The following PDE4DIP variants were observed in gnomAD, a reference collection of about 807,000 sequenced individuals.
PDE4DIP encodes myomegalin.
PDE4DIP carries 59 observed loss-of-function variants against 221.4 expected under a neutral mutation model. The ratio of observed to expected loss-of-function variants is 0.27; its 90% CI spans 0.22 to 0.33. The LOEUF is 0.33. PDE4DIP is among the 10% of genes least tolerant of loss of function. The pLI is 1.00. For synonymous variants in PDE4DIP, 404 were observed against 815.9 expected (o/e 0.50, Z 8.60); for missense variants, 1,036 against 2,154.2 (o/e 0.48, Z 10.28).
chr1:148,998,400 G>A, intron 23 of PDE4DIP, 25 bp downstream of exon 26: 3 of 1,426,558 alleles, frequency 2.1e-6, no homozygotes, highest in Non-Finnish European at 3.0e-6. Context: ...CCAGGGAAGG[G>A]GAGCTTGCAG....
At chr1:148,915,241 G>A (rs2043715829) in intron 1 of PDE4DIP, among the ~76,000 whole-genome samples, 1 of 152,124 alleles carries the variant, frequency 6.6e-6, no homozygotes, top group African/African-American at 2.4e-5. Flanking sequence ...TCTGCCTCCT[G>A]GGTTCAAGCG....
At chr1:148,946,562 G>T (rs1355648604) in intron 5 of PDE4DIP, among the ~76,000 whole-genome samples, 2 of 135,840 alleles carry the variant, frequency 1.5e-5, no homozygotes, top group Non-Finnish European at 1.6e-5. Flanking sequence ...AAAAAAGGAA[G>T]TACCATCCAT....
chr1:148,996,045 A>G (rs1187967147), intron 22 of PDE4DIP, among the ~76,000 whole-genome samples: 1 of 151,916 alleles, frequency 6.6e-6, no homozygotes, highest in Admixed American at 6.6e-5. Flanking sequence ...CTCACTTTAA[A>G]GTGGGAAATT....
chr1:148,946,040 T>C (rs1422258410), intron 5 of PDE4DIP, among the ~76,000 whole-genome samples: 3 of 151,408 alleles, frequency 2.0e-5, no homozygotes, highest in African/African-American at 7.3e-5. Context: ...TCTCTTTCCA[T>C]CTGTGTGAAA....
At chr1:149,030,439 G>A in intron 43 of PDE4DIP, 161 bp downstream of exon 46, 2 of 985,282 alleles carry the variant, frequency 2.0e-6, no homozygotes, top group Non-Finnish European at 2.4e-6. Context: ...CATCCTGCTA[G>A]TTTCTGTCCC....
intron 5 of PDE4DIP, among the ~76,000 whole-genome samples, chr1:148,949,056 T>C (rs2052501160): frequency 6.6e-6 from 1 of 152,334 alleles, no homozygotes; most frequent in East Asian, 1.9e-4. Context: ...ACGTTGCATG[T>C]ATCTGAGTTC....
rs1265017122 is a variant in PDE4DIP at position 148,915,350 on chromosome 1, A to G, written c.142-13847A>G. On this transcript the variant is annotated intron_variant, in intron 1 of 43. Coordinates refer to ENST00000369354, the Ensembl canonical transcript of PDE4DIP. ...TCTTTAGTAGAGACGGGGTTTCACC[A>G]TGTTGACCAAGCTGGTCTCGAACTC... Among the ~76,000 whole-genome samples the G allele has an allele frequency of 1.6e-4, 24 of 152,390 alleles. No individual in the cohort carries two copies. The East Asian group carries it at 4.3e-3, about 27-fold the overall frequency.
chr1:149,013,073 A>G (rs1383275432), intron 32 of PDE4DIP, among the ~76,000 whole-genome samples: 3 of 152,148 alleles, frequency 2.0e-5, no homozygotes, highest in Non-Finnish European at 4.4e-5. Context: ...AGACTGGTGG[A>G]CTGCTCATTG....
rs1161245151 is a variant in PDE4DIP, at chr1:149,015,744, C to A, written c.5267-555C>A. 2.0e-5 allele frequency among the ~76,000 whole-genome samples: 3 copies of A among 150,918 alleles called. 1 individual carries two copies. The East Asian group carries it at 5.9e-4, about 30-fold the overall frequency. On this transcript the variant is annotated intron_variant, in intron 32 of 43. Coordinates refer to ENST00000369354, the Ensembl canonical transcript of PDE4DIP. ...AATACTTGCCTTACATAGGCCCTTC[C>A]CCAGCCTCAGCAAAGAGTTCTTCAG... is the stretch of plus-strand genomic sequence containing the variant.
rs587595318 is a variant in PDE4DIP, at chr1:148,897,477, AAC to A, written c.141+7595_141+7596del. 1.4e-4 allele frequency among the ~76,000 whole-genome samples: 17 copies of A among 122,106 alleles called. 1 individual carries two copies. In the East Asian group the frequency reaches 4.0e-3, roughly 29 times the overall value. 80.1% of individuals were successfully genotyped at this position (122,106 alleles called of 152,430 possible). ...GCAAATTTTATTATATGTATATTTTAACACACACACACAAAATGTTTAGGCCT... is the reference window on the plus strand; with the variant it reads ...GCAAATTTTATTATATGTATATTTTAACACACACACAAAATGTTTAGGCCT... On this transcript the variant is annotated intron_variant, in intron 1 of 43. Coordinates refer to ENST00000369354, the Ensembl canonical transcript of PDE4DIP.
rs1366320595 is a variant in PDE4DIP at position 148,892,251 on chromosome 1, T to C, written c.141+2357T>C. On this transcript the variant is annotated intron_variant, in intron 1 of 43. Transcript: ENST00000369354. ...CTCAGGCGATCCACCCGCCTCAGCCTCCCAAAGTACTGGGATTACAGGCGT... is the reference window on the plus strand; with the variant it reads ...CTCAGGCGATCCACCCGCCTCAGCCCCCCAAAGTACTGGGATTACAGGCGT... Among the ~76,000 whole-genome samples, 2 of 121,028 alleles carry C rather than the reference T, an allele frequency of 1.7e-5. 1 individual carries two copies. Among genetic ancestry groups the C allele is most frequent in the Non-Finnish European group, 3.3e-5 (2 of 60,612 alleles). The allele number at this position is 121,028 out of a possible 152,430, so 79.4% of individuals were successfully genotyped here. A position where few individuals can be genotyped will look rare whatever the true frequency, so the allele number is the denominator to read the frequency against.
chr1:148,985,216 G>A (rs587709088), intron 21 of PDE4DIP: 106 of 152,122 alleles, frequency 7.0e-4, no homozygotes, highest in African/African-American at 2.3e-3. Context: ...TTGGTAGTGT[G>A]GAACCATTTG....
chr1:148,978,949 A>T (rs2060644855), intron 19 of PDE4DIP, among the ~76,000 whole-genome samples: 1 of 151,258 alleles, frequency 6.6e-6, no homozygotes, highest in African/African-American at 2.4e-5. Context: ...ACCAATAGTT[A>T]TCCCTCACAC....
exon 24 of PDE4DIP, chr1:149,001,656 C>G: frequency 6.2e-7 from 1 of 1,613,868 alleles, no homozygotes; most frequent in South Asian, 1.1e-5. Flanking sequence ...GAAGCAATGT[C>G]TGATGGATGG....
chr1:148,899,095 G>T (rs1485607327), intron 1 of PDE4DIP, among the ~76,000 whole-genome samples: 6 of 121,114 alleles, frequency 5.0e-5, no homozygotes, highest in East Asian at 5.0e-4. Flanking sequence ...GCCTCCCAAA[G>T]TGCTGGGATT....
intron 33 of PDE4DIP, among the ~76,000 whole-genome samples, chr1:149,017,041 T>G (rs1480820598): frequency 6.6e-6 from 1 of 151,940 alleles, no homozygotes; most frequent in Admixed American, 6.6e-5. Flanking sequence ...AAGACAATCG[T>G]AATTTTCAGG....
chr1:148,937,381 G>T (rs1184309874), intron 4 of PDE4DIP, among the ~76,000 whole-genome samples: 1 of 152,148 alleles, frequency 6.6e-6, no homozygotes, highest in Non-Finnish European at 1.5e-5. Context: ...ACTTGGTAGA[G>T]TGCATTGAGT....
intron 2 of PDE4DIP, among the ~76,000 whole-genome samples, chr1:148,865,079 A>G (rs1686009342): frequency 7.1e-6 from 1 of 141,218 alleles, no homozygotes. Flanking sequence ...CATTTTTTCT[A>G]ATTACATTTA....
chr1:148,954,636 C>A (rs1467975332), intron 5 of PDE4DIP, among the ~76,000 whole-genome samples: 2 of 152,096 alleles, frequency 1.3e-5, no homozygotes, highest in Non-Finnish European at 2.9e-5. Flanking sequence ...AAGGATTAAC[C>A]CATTATTGGA....
Sources: allele counts gnomAD v4.1 joint callset (sites outside exome capture counted in the v4.1 genomes callset), GRCh38; gene constraint gnomAD v4.1.1; transcripts MANE v1.5; gene names NCBI Gene and HGNC (gene_info 2026-07-23, HGNC 2026-07-21).